PTPRD: variants seen among roughly 807,000 people sequenced by gnomAD.
PTPRD encodes receptor-type tyrosine-protein phosphatase delta.
Under a neutral mutation model 214.5 loss-of-function variants are expected in PTPRD, and 34 were observed. That is an observed-to-expected ratio of 0.16 (90% confidence interval 0.12 to 0.21). PTPRD has a LOEUF of 0.21. PTPRD is among the 10% of genes least tolerant of loss of function. The pLI is 1.00. For synonymous variants in PTPRD, 1,128 were observed against 845.7 expected (o/e 1.33, Z -5.79); for missense variants, 2,545 against 2,398.7 (o/e 1.06, Z -1.27).
At chr9:8,907,226 A>T (rs1319574482) in intron 11 of PTPRD, among the ~76,000 whole-genome samples, 2 of 152,166 alleles carry the variant, frequency 1.3e-5, no homozygotes, top group Non-Finnish European at 2.9e-5. Context: ...GAGCTGCCAC[A>T]ATATGTTATC....
chr9:8,914,446 A>ATTTC lies in PTPRD; in HGVS notation c.-104+104247_-104+104250dup. 2.0e-5 allele frequency among the ~76,000 whole-genome samples: 3 copies of ATTTC among 152,218 alleles called. No individual in the cohort carries two copies. The Middle Eastern group carries it at 0.01, about 518-fold the overall frequency. On this transcript the variant is annotated intron_variant, in intron 11 of 45. Transcript: ENST00000381196. ...TTGCAGAACTGAAGCAAGTCAAATT[A>ATTTC]TTTCTTTCACTTACAACTACTGCAC...
chr9:10,265,769 T>G (rs2094011533), intron 3 of PTPRD, among the ~76,000 whole-genome samples: 2 of 152,224 alleles, frequency 1.3e-5, no homozygotes, highest in Admixed American at 1.3e-4. Flanking sequence ...GACACTTGTT[T>G]TAAGCCAGTA....
intron 3 of PTPRD, among the ~76,000 whole-genome samples, chr9:10,152,468 C>G (rs2099067289): frequency 6.6e-6 from 1 of 152,028 alleles, no homozygotes; most frequent in African/African-American, 2.4e-5. Context: ...TCGTCATATT[C>G]TCTTAAAACG....
At chr9:9,984,497 A>C (rs1178407237) in intron 4 of PTPRD, among the ~76,000 whole-genome samples, 1 of 152,176 alleles carries the variant, frequency 6.6e-6, no homozygotes, top group Non-Finnish European at 1.5e-5. Flanking sequence ...AGTAGTAAGC[A>C]ACATTCAGAG....
intron 44 of PTPRD, among the ~76,000 whole-genome samples, chr9:8,322,574 G>A (rs1829486820): frequency 6.6e-6 from 1 of 152,178 alleles, no homozygotes; most frequent in African/African-American, 2.4e-5. Flanking sequence ...GGAGGCTGCA[G>A]AAGAAAAGTT....
At chr9:8,702,425 T>C (rs557428346) in intron 12 of PTPRD, among the ~76,000 whole-genome samples, 2 of 152,166 alleles carry the variant, frequency 1.3e-5, no homozygotes, top group Non-Finnish European at 1.5e-5. Flanking sequence ...AAACATTTAC[T>C]GATTACCTAC....
At chr9:10,484,439 T>A (rs1273403191) in intron 2 of PTPRD, among the ~76,000 whole-genome samples, 1 of 152,098 alleles carries the variant, frequency 6.6e-6, no homozygotes, top group African/African-American at 2.4e-5. Flanking sequence ...CTAAAGCTCT[T>A]AAAGATTTTT....
At chr9:8,404,033 T>C (rs566754440) in intron 36 of PTPRD, among the ~76,000 whole-genome samples, 1 of 152,352 alleles carries the variant, frequency 6.6e-6, no homozygotes, top group Admixed American at 6.5e-5. Flanking sequence ...GATGCACTTC[T>C]GTCATATGGT....
At chr9:9,414,590 A>C (rs907884639) in intron 8 of PTPRD, among the ~76,000 whole-genome samples, 3 of 152,212 alleles carry the variant, frequency 2.0e-5, no homozygotes, top group South Asian at 2.1e-4. Flanking sequence ...AAAAACAAAC[A>C]AACCAACCCA....
At chr9:9,166,869 C>T (rs2099905301) in intron 10 of PTPRD, among the ~76,000 whole-genome samples, 1 of 152,046 alleles carries the variant, frequency 6.6e-6, no homozygotes, top group Admixed American at 6.6e-5. Flanking sequence ...TTAAGACTAC[C>T]TATAGTTATA....
At chr9:9,468,598 C>T (rs1236844757) in intron 8 of PTPRD, among the ~76,000 whole-genome samples, 1 of 151,980 alleles carries the variant, frequency 6.6e-6, no homozygotes, top group Non-Finnish European at 1.5e-5. Context: ...CATAAACATG[C>T]ATTTCAGTCT....
At chr9:8,572,204 C>T (rs1459265210) in intron 14 of PTPRD, among the ~76,000 whole-genome samples, 1 of 152,032 alleles carries the variant, frequency 6.6e-6, no homozygotes, top group Non-Finnish European at 1.5e-5. Flanking sequence ...AGGTGTGGCT[C>T]ACCCAAAAGC....
rs2099695650 is a variant in PTPRD, at chr9:9,056,067, T to C, written c.-142-37332A>G. ...CTGGACTTGCCACAAAAAAGACTAA[T>C]TTTGATAGTACCAAGTGAACATTAT... On this transcript the variant is annotated intron_variant, in intron 10 of 45. Coordinates refer to ENST00000381196, the MANE Select transcript of PTPRD (RefSeq NM_002839.4). Among the ~76,000 whole-genome samples the C allele has an allele frequency of 2.6e-5, 4 of 152,228 alleles. No homozygotes were observed. In the South Asian group the frequency reaches 8.3e-4, roughly 32 times the overall value.
intron 5 of PTPRD, among the ~76,000 whole-genome samples, chr9:9,929,013 G>A (rs939778693): frequency 9.9e-5 from 15 of 152,190 alleles, no homozygotes; most frequent in African/African-American, 2.9e-4. Flanking sequence ...TCAGAGGTTC[G>A]AAGAGACTTA....
intron 11 of PTPRD, among the ~76,000 whole-genome samples, chr9:8,780,485 G>A (rs1167185161): frequency 6.6e-6 from 1 of 152,192 alleles, no homozygotes; most frequent in Non-Finnish European, 1.5e-5. Flanking sequence ...GTTTTCCTCA[G>A]ACACGGAGGG....
intron 25 of PTPRD, among the ~76,000 whole-genome samples, 161 bp from the exon 26 acceptor site, chr9:8,497,429 A>C (rs1337675935): frequency 6.6e-6 from 1 of 152,214 alleles, no homozygotes; most frequent in Non-Finnish European, 1.5e-5. Flanking sequence ...TGCCACCTCC[A>C]CCTCTGATTG....
chr9:8,760,596 GTC>G (rs926107654), intron 11 of PTPRD, among the ~76,000 whole-genome samples: 4 of 146,594 alleles, frequency 2.7e-5, no homozygotes, highest in Admixed American at 6.8e-5. Flanking sequence ...CCCTCTCTCT[GTC>G]TGTGTGTGTG....
intron 9 of PTPRD, among the ~76,000 whole-genome samples, chr9:9,255,305 G>A (rs991874663): frequency 6.6e-6 from 1 of 152,030 alleles, no homozygotes; most frequent in African/African-American, 2.4e-5. Context: ...GACTGACTTA[G>A]TCTGTATCAA....
At chr9:8,934,228 C>G (rs754653046) in intron 11 of PTPRD, among the ~76,000 whole-genome samples, 5 of 150,216 alleles carry the variant, frequency 3.3e-5, no homozygotes, top group African/African-American at 1.2e-4. Flanking sequence ...TGATTTGGTA[C>G]CTAAACAATT....
Sources: allele counts gnomAD v4.1 joint callset (sites outside exome capture counted in the v4.1 genomes callset), GRCh38; gene constraint gnomAD v4.1.1; transcripts MANE v1.5; gene names NCBI Gene and HGNC (gene_info 2026-07-23, HGNC 2026-07-21).